Variants in NOVA1 observed in about 807,000 individuals in gnomAD.
NOVA1 encodes NOVA alternative splicing regulator 1.
NOVA1 carries 7 observed loss-of-function variants against 38.0 expected under a neutral mutation model. The observed-to-expected ratio is 0.18, with a 90% CI of 0.10 to 0.35. The LOEUF is 0.35. NOVA1 is among the 10% of genes least tolerant of loss of function. The pLI is 1.00. For synonymous variants in NOVA1, 270 were observed against 232.5 expected, an observed-to-expected ratio of 1.16 and a Z score of -1.47; for missense variants, 460 against 616.0, an observed-to-expected ratio of 0.75 and a Z score of 2.68.
At chr14:26,551,939 AT>A (rs897964694) in intron 2 of NOVA1, among the ~76,000 whole-genome samples, 2 of 152,058 alleles carry the variant, frequency 1.3e-5, no homozygotes, top group African/African-American at 4.8e-5. Flanking sequence ...AAAACAGTGT[AT>A]GCTCCTCAAG....
At chr14:26,458,215 T>C (rs1471727759) in intron 4 of NOVA1, among the ~76,000 whole-genome samples, 2 of 152,148 alleles carry the variant, frequency 1.3e-5, no homozygotes, top group African/African-American at 4.8e-5. Flanking sequence ...GGAACATTTA[T>C]ATATTACTGG....
In NOVA1 at chr14:26,565,904, T is replaced by C. The variant is rs1006474386; in HGVS notation, c.280+29506A>G. On this transcript the variant is annotated intron_variant, in intron 2 of 4. Transcript: ENST00000539517. ...ATGGGCTTTCATACAGAAAAAAATA[T>C]AATGATTCAGAAAAGTGATCTATGT... is the stretch of plus-strand genomic sequence containing the variant. 8.5e-5 allele frequency among the ~76,000 whole-genome samples: 13 copies of C among 152,138 alleles called. 1 individual carries two copies. Among genetic ancestry groups the C allele is most frequent in the South Asian group, 4.2e-4 (2 of 4,814 alleles).
chr14:26,523,830 A>G (rs2138515744), intron 2 of NOVA1, among the ~76,000 whole-genome samples: 1 of 144,130 alleles, frequency 6.9e-6, no homozygotes, highest in South Asian at 2.1e-4. Flanking sequence ...AGCTCACTGC[A>G]AGCTCCGCCT....
chr14:26,475,059 A>G (rs2138268356), intron 3 of NOVA1, among the ~76,000 whole-genome samples: 1 of 152,252 alleles, frequency 6.6e-6, no homozygotes, highest in South Asian at 2.1e-4. Flanking sequence ...AATTAATGGA[A>G]CAGGTGTGAT....
At chr14:26,508,806 T>C (rs1887836888) in intron 2 of NOVA1, among the ~76,000 whole-genome samples, 1 of 151,812 alleles carries the variant, frequency 6.6e-6, no homozygotes, top group Non-Finnish European at 1.5e-5. Context: ...GAGTAACATA[T>C]GATTTTAAAA....
chr14:26,476,915 A>G (rs893721889), intron 3 of NOVA1, among the ~76,000 whole-genome samples: 1 of 149,390 alleles, frequency 6.7e-6, no homozygotes, highest in Non-Finnish European at 1.5e-5. Flanking sequence ...GGGTTTCTCT[A>G]TGTTGGTCAG....
chr14:26,479,918 G>A (rs776370341), intron 3 of NOVA1, 59 bp downstream of exon 3: 2 of 1,540,322 alleles, frequency 1.3e-6, no homozygotes, highest in African/African-American at 2.8e-5. Flanking sequence ...GGCTTCTTTT[G>A]TAAGGAACTT....
At chr14:26,493,759 C>A (rs1044288504) in intron 2 of NOVA1, among the ~76,000 whole-genome samples, 3 of 151,996 alleles carry the variant, frequency 2.0e-5, no homozygotes, top group African/African-American at 7.2e-5. Flanking sequence ...GTATACTCTC[C>A]CTGCAGTTTT....
At chr14:26,493,093 C>T (rs1263515825) in intron 2 of NOVA1, among the ~76,000 whole-genome samples, 1 of 152,022 alleles carries the variant, frequency 6.6e-6, no homozygotes, top group African/African-American at 2.4e-5. Flanking sequence ...TTTTTGTATG[C>T]CCTGATGTGA....
chr14:26,549,734 T>C, intron 2 of NOVA1: 1 of 1,289,102 alleles, frequency 7.8e-7, no homozygotes, highest in Non-Finnish European at 1.0e-6. Context: ...AGTGGAGAAA[T>C]ACCTTCTGTA....
At chr14:26,586,939 C>A in intron 2 of NOVA1, among the ~76,000 whole-genome samples, 2 of 145,158 alleles carry the variant, frequency 1.4e-5, no homozygotes, top group Admixed American at 6.9e-5. Context: ...AACATATATT[C>A]ATTTTAAGAC....
intron 2 of NOVA1, among the ~76,000 whole-genome samples, chr14:26,570,672 A>ATTG (rs1241228069): frequency 6.6e-6 from 1 of 152,158 alleles, no homozygotes; most frequent in African/African-American, 2.4e-5. Context: ...GCAGAAGGCA[A>ATTG]TTGTTCCTAA....
chr14:26,480,617 C>A (rs1885382777), intron 2 of NOVA1, among the ~76,000 whole-genome samples: 2 of 151,128 alleles, frequency 1.3e-5, no homozygotes, highest in Non-Finnish European at 1.5e-5. Context: ...CATCACTTAC[C>A]ACGCTCTTCC....
chr14:26,460,742 G>A (rs1017664122), intron 4 of NOVA1, among the ~76,000 whole-genome samples: 2 of 151,814 alleles, frequency 1.3e-5, no homozygotes, highest in East Asian at 1.9e-4. Context: ...AAAACGAGAA[G>A]GTATCAAACT....
At chr14:26,546,833 C>T (rs1407129599) in intron 2 of NOVA1, among the ~76,000 whole-genome samples, 1 of 152,114 alleles carries the variant, frequency 6.6e-6, no homozygotes, top group African/African-American at 2.4e-5. Flanking sequence ...TCCTGGCTAA[C>T]ATGGTGAAAC....
chr14:26,486,355 T>G (rs181190826), intron 2 of NOVA1, among the ~76,000 whole-genome samples: 7 of 152,188 alleles, frequency 4.6e-5, no homozygotes, highest in Admixed American at 2.6e-4. Flanking sequence ...CTGTTTCTAG[T>G]CCTCAGCAAC....
intron 2 of NOVA1, among the ~76,000 whole-genome samples, chr14:26,509,795 C>T (rs1002417985): frequency 6.6e-6 from 1 of 152,200 alleles, no homozygotes; most frequent in African/African-American, 2.4e-5. Flanking sequence ...ATTCTCCTGC[C>T]TCAGCCTCCT....
At chr14:26,454,799 C>T (rs895981020) in intron 4 of NOVA1, among the ~76,000 whole-genome samples, 1 of 152,052 alleles carries the variant, frequency 6.6e-6, no homozygotes, top group Non-Finnish European at 1.5e-5. Flanking sequence ...GATTAATTTA[C>T]TTTTTACCAT....
chr14:26,565,476 T>C (rs1245196), intron 2 of NOVA1, among the ~76,000 whole-genome samples: 88,328 of 151,982 alleles, frequency 0.58, 30,854 homozygotes, highest in Non-Finnish European at 0.75. Context: ...ACCACTCTCT[T>C]TCCTTTTCTT....
Sources: allele counts gnomAD v4.1 joint callset (sites outside exome capture counted in the v4.1 genomes callset), GRCh38; gene constraint gnomAD v4.1.1; transcripts MANE v1.5; gene names NCBI Gene and HGNC (gene_info 2026-07-23, HGNC 2026-07-21).